TAF12: variants seen among roughly 807,000 people sequenced by gnomAD.
The protein encoded by TAF12 is transcription initiation factor TFIID subunit 12.
Under a neutral mutation model 20.8 loss-of-function variants are expected in TAF12, and 3 were observed. The ratio of observed to expected loss-of-function variants is 0.14; its 90% CI spans 0.07 to 0.37. TAF12 has a LOEUF of 0.37. Ranked by LOEUF, TAF12 falls within the 10% of genes least tolerant of loss-of-function variation. The probability of loss-of-function intolerance (pLI) is 1.00; values close to 1 mark genes in which losing one functional copy is unlikely to be tolerated. For synonymous variants in TAF12, 69 were observed against 70.2 expected, an observed-to-expected ratio of 0.98 and a Z score of 0.09; for missense variants, 131 against 197.9, an observed-to-expected ratio of 0.66 and a Z score of 2.03.
chr1:28,626,074 G>A (rs1019511007), intron 1 of TAF12, among the ~76,000 whole-genome samples: 6 of 151,562 alleles, frequency 4.0e-5, no homozygotes, highest in Admixed American at 1.3e-4. Context: ...TCTGCCTTGC[G>A]GGTTCAAGCA....
chr1:28,630,916 G>C (rs1261420733), intron 1 of TAF12, among the ~76,000 whole-genome samples: 1 of 151,536 alleles, frequency 6.6e-6, no homozygotes, highest in African/African-American at 2.4e-5. Flanking sequence ...CATAGTGGTG[G>C]GTGCCTATAA....
intron 3 of TAF12, among the ~76,000 whole-genome samples, chr1:28,613,817 A>G (rs975108568): frequency 6.6e-6 from 1 of 152,218 alleles, no homozygotes; most frequent in African/African-American, 2.4e-5. Context: ...ATGTAAGTAG[A>G]AAGCAGAAGG....
chr1:28,605,741 C>T (rs374461598), intron 4 of TAF12, among the ~76,000 whole-genome samples: 1 of 152,184 alleles, frequency 6.6e-6, no homozygotes, highest in African/African-American at 2.4e-5. Flanking sequence ...TATTCCCATC[C>T]TGGCCTCCCA....
chr1:28,635,564 C>T (rs973964021), intron 1 of TAF12, among the ~76,000 whole-genome samples: 1 of 151,796 alleles, frequency 6.6e-6, no homozygotes, highest in African/African-American at 2.4e-5. Context: ...CTCGGCCTCC[C>T]AAAGTGCTGG....
At chr1:28,617,480 G>C (rs1042505073) in intron 3 of TAF12, among the ~76,000 whole-genome samples, 1 of 148,538 alleles carries the variant, frequency 6.7e-6, no homozygotes, top group Non-Finnish European at 1.5e-5. Context: ...ATGGAGTCTT[G>C]CTCTGTCGCC....
In TAF12 at chr1:28,611,202, T is replaced by C. The variant is rs372841030; in HGVS notation, c.361+2045A>G. Among the ~76,000 whole-genome samples, 318 of 150,028 alleles carry C rather than the reference T, an allele frequency of 2.1e-3. 1 individual carries two copies. The South Asian group carries it at 0.025, about 12-fold the overall frequency. ...GGGACTGCTAAAGGATGAGACCATA[T>C]AGAGAGACGGTGGGTGGGGAAGATG... On this transcript the variant is annotated intron_variant, in intron 4 of 5. Coordinates refer to ENST00000373824, the MANE Select transcript of TAF12 (RefSeq NM_005644.4).
At position 28,621,906 on chromosome 1, in the gene TAF12, G is replaced by A. The variant is rs1271797818; in HGVS notation, c.168+8C>T. On this transcript the variant is annotated splice_region_variant and intron_variant, in intron 2 of 5. Transcript: ENST00000373824. ...GGCTACAGAGAAGAAAGAGTAAGAG[G>A]ATGATACCTGATTGTTTTCAGGGCT... 2 of 1,612,474 alleles carry A rather than the reference G, an allele frequency of 1.2e-6. No individual in the cohort carries two copies.
At chr1:28,615,644 ACTCC>A (rs1667009613) in intron 3 of TAF12, among the ~76,000 whole-genome samples, 3 of 123,532 alleles carry the variant, frequency 2.4e-5, no homozygotes, top group South Asian at 5.6e-4. Context: ...ATGCCGCTGC[ACTCC>A]AGCCTGGTCA....
chr1:28,641,092 G>A (rs1340298888), intron 1 of TAF12, among the ~76,000 whole-genome samples: 1 of 151,638 alleles, frequency 6.6e-6, no homozygotes, highest in East Asian at 1.9e-4. Flanking sequence ...AAAAATAAAG[G>A]TTTCCTTACT....
intron 1 of TAF12, among the ~76,000 whole-genome samples, chr1:28,625,306 A>C (rs1338566490): frequency 1.3e-5 from 2 of 152,206 alleles, no homozygotes; most frequent in African/African-American, 4.8e-5. Context: ...CAGGAGGCTG[A>C]AGTAGGAGTA....
chr1:28,624,216 AATG>A (rs1667309424), intron 1 of TAF12, among the ~76,000 whole-genome samples: 1 of 152,182 alleles, frequency 6.6e-6, no homozygotes, highest in African/African-American at 2.4e-5. Flanking sequence ...AAAATTAATT[AATG>A]ATGATTATGG....
chr1:28,641,793 CAAAAAAA>C (rs35540210), intron 1 of TAF12, among the ~76,000 whole-genome samples: 1 of 86,480 alleles, frequency 1.2e-5, no homozygotes, highest in Non-Finnish European at 2.2e-5. Context: ...GAACCTGTCT[CAAAAAAA>C]AAAAAAAAAA....
chr1:28,639,746 A>C (rs933313159), intron 1 of TAF12, among the ~76,000 whole-genome samples: 2 of 152,226 alleles, frequency 1.3e-5, no homozygotes, highest in Non-Finnish European at 2.9e-5. Context: ...CCCTGGGGAA[A>C]AAATAGTAGT....
chr1:28,620,691 C>G (rs1299409277), intron 2 of TAF12, among the ~76,000 whole-genome samples: 5 of 152,128 alleles, frequency 3.3e-5, no homozygotes, highest in Admixed American at 3.3e-4. Context: ...CCTCGGCCTC[C>G]CAAAGTGCTG....
At chr1:28,634,612 G>A (rs1429682787) in intron 1 of TAF12, among the ~76,000 whole-genome samples, 2 of 151,842 alleles carry the variant, frequency 1.3e-5, no homozygotes, top group East Asian at 3.9e-4. Flanking sequence ...AAACACGATT[G>A]TATGGGTTAG....
intron 1 of TAF12, among the ~76,000 whole-genome samples, chr1:28,641,497 AAAAC>A (rs1386457050): frequency 1.3e-5 from 2 of 151,894 alleles, no homozygotes; most frequent in Non-Finnish European, 2.9e-5. Flanking sequence ...AAACAAAACA[AAAAC>A]AAAAACTGCA....
chr1:28,603,447 A>T lies in TAF12; in HGVS notation c.*92T>A, dbSNP rs1037345479. 1 of 1,345,040 alleles carries T rather than the reference A, an allele frequency of 7.4e-7. No homozygotes were observed. Among genetic ancestry groups the T allele is most frequent in the South Asian group, 1.2e-5 (1 of 84,224 alleles). 83.3% of individuals were successfully genotyped at this position (1,345,040 alleles called of 1,614,324 possible). On this transcript the variant is annotated 3_prime_UTR_variant, in exon 6 of 6. Coordinates refer to ENST00000373824, the MANE Select transcript of TAF12 (RefSeq NM_005644.4). ...AAAAATATATGCTTCTCTGTAAAGC[A>T]TTAAAAAAAAAAATCCAAGGATGAG...
rs1483880166 is a variant in TAF12, at chr1:28,638,952, A to AT, written c.-85+4039dup. On this transcript the variant is annotated intron_variant, in intron 1 of 5. Transcript: ENST00000373824. ...GACTATAGGCGCCCGTGCCCAGCTA[A>AT]TTTTTTTTGTATTGTTAGTAGAGAC... is the stretch of plus-strand genomic sequence containing the variant. 2.7e-5 allele frequency among the ~76,000 whole-genome samples: 4 copies of AT among 147,794 alleles called. No homozygotes were observed. The East Asian group carries it at 6.1e-4, about 23-fold the overall frequency.
chr1:28,615,476 C>T (rs1052571771), intron 3 of TAF12, among the ~76,000 whole-genome samples: 20 of 151,656 alleles, frequency 1.3e-4, no homozygotes, highest in Admixed American at 2.6e-4. Context: ...GTCAGGAGTT[C>T]GAGACTAGCT....
Sources: allele counts gnomAD v4.1 joint callset (sites outside exome capture counted in the v4.1 genomes callset), GRCh38; gene constraint gnomAD v4.1.1; transcripts MANE v1.5; gene names NCBI Gene and HGNC (gene_info 2026-07-23, HGNC 2026-07-21).